Variants in PILRA observed in about 807,000 individuals in gnomAD.
The protein encoded by PILRA is paired immunoglobulin-like type 2 receptor alpha.
In PILRA, 37 loss-of-function variants were observed where a neutral mutation model predicts 33.1. The ratio of observed to expected loss-of-function variants is 1.12; its 90% CI spans 0.86 to 1.47. The LOEUF is 1.47. PILRA is among the 40% of genes most tolerant of loss of function. PILRA has a pLI of 0.00. For missense variants in PILRA, 312 were observed against 376.2 expected (o/e 0.83, Z 1.41); for synonymous variants, 146 against 149.9 (o/e 0.97, Z 0.19).
At chr7:100,395,456 G>A (rs1791474631) in intron 3 of PILRA, among the ~76,000 whole-genome samples, 2 of 152,310 alleles carry the variant, frequency 1.3e-5, no homozygotes, top group South Asian at 4.1e-4. Context: ...CCAGAACTGT[G>A]AGAAATAATT....
intron 2 of PILRA, chr7:100,374,754 C>G: frequency 2.4e-6 from 1 of 417,920 alleles, no homozygotes; most frequent in East Asian, 5.2e-5. Flanking sequence ...CCAGCCTGGC[C>G]TCTCCCCATA....
At chr7:100,373,993 T>TC in intron 1 of PILRA, 51 bp from the exon 2 acceptor site, 1 of 1,589,466 alleles carries the variant, frequency 6.3e-7, no homozygotes, top group Non-Finnish European at 8.6e-7. Flanking sequence ...CCTCTTTGTG[T>TC]CTTGAGGTGG....
intron 3 of PILRA, among the ~76,000 whole-genome samples, chr7:100,390,965 G>A (rs1199673474): frequency 6.6e-6 from 1 of 151,954 alleles, no homozygotes; most frequent in African/African-American, 2.4e-5. Flanking sequence ...GTGCAGTGCA[G>A]GGGTGAGGTG....
chr7:100,384,535 G>A (rs908149153), intron 2 of PILRA, among the ~76,000 whole-genome samples: 1 of 151,176 alleles, frequency 6.6e-6, no homozygotes, highest in Non-Finnish European at 1.5e-5. Flanking sequence ...AGCTAGGACT[G>A]CAGGGGAGCA....
chr7:100,378,617 C>A (rs191157582), intron 2 of PILRA, among the ~76,000 whole-genome samples: 56 of 152,156 alleles, frequency 3.7e-4, no homozygotes, highest in African/African-American at 1.3e-3. Flanking sequence ...ATATAAATGT[C>A]TCATAAGATT....
chr7:100,399,613 G>A lies in PILRA; in HGVS notation c.789+1G>A. The A allele has an allele frequency of 6.2e-7, 1 of 1,614,124 alleles. No homozygotes were observed. The highest frequency in any genetic ancestry group is 8.5e-7 in the Non-Finnish European group (1 of 1,180,016). ...TACAGATCCCAAGCTAAATCCCAAGGTAAGCAATCAGACCAGGGCCTGAAG... is the reference window on the plus strand; with the variant it reads ...TACAGATCCCAAGCTAAATCCCAAGATAAGCAATCAGACCAGGGCCTGAAG... On this transcript the variant is annotated splice_donor_variant, in intron 6 of 6. Transcript: ENST00000198536. LOFTEE classifies it high-confidence loss of function.
At chr7:100,387,390 T>A (rs1328710091) in intron 2 of PILRA, among the ~76,000 whole-genome samples, 1 of 152,148 alleles carries the variant, frequency 6.6e-6, no homozygotes, top group African/African-American at 2.4e-5. Context: ...ATTTTTGTAT[T>A]TTTAGTAGAG....
intron 3 of PILRA, among the ~76,000 whole-genome samples, chr7:100,395,704 A>T (rs1791480780): frequency 6.6e-6 from 1 of 152,186 alleles, no homozygotes; most frequent in Non-Finnish European, 1.5e-5. Flanking sequence ...GACAGCTACT[A>T]TTTAAAAAGT....
chr7:100,395,190 T>C (rs747188905), intron 3 of PILRA, among the ~76,000 whole-genome samples: 65 of 152,350 alleles, frequency 4.3e-4, no homozygotes, highest in Non-Finnish European at 6.5e-4. Flanking sequence ...ATATATGCTA[T>C]GGTCTGAAAT....
intron 3 of PILRA, among the ~76,000 whole-genome samples, chr7:100,397,631 G>GA (rs1419714433): frequency 6.6e-6 from 1 of 152,078 alleles, no homozygotes. Context: ...GCTCAAGAGA[G>GA]AAAGAAACCA....
At chr7:100,374,920 G>T (rs1245930451) in intron 2 of PILRA, among the ~76,000 whole-genome samples, 1 of 152,132 alleles carries the variant, frequency 6.6e-6, no homozygotes, top group Non-Finnish European at 1.5e-5. Context: ...GGTGCCCAGT[G>T]GCTGGCCCTG....
chr7:100,378,468 ACT>A (rs1791003252), intron 2 of PILRA, among the ~76,000 whole-genome samples: 1 of 152,116 alleles, frequency 6.6e-6, no homozygotes, highest in Non-Finnish European at 1.5e-5. Flanking sequence ...AAAACACAAC[ACT>A]CTTTTAAGTC....
chr7:100,397,972 T>TTGGGAAACAGGGAGTGTGC, intron 4 of PILRA, 60 bp downstream of exon 4: 1 of 1,547,792 alleles, frequency 6.5e-7, no homozygotes, highest in Non-Finnish European at 8.9e-7. Context: ...GTGGGCTGAT[T>TTGGGAAACAGGGAGTGTGC]TGGGAAACAG....
chr7:100,383,511 G>A (rs1255859908), intron 2 of PILRA, among the ~76,000 whole-genome samples: 3 of 152,164 alleles, frequency 2.0e-5, no homozygotes, highest in African/African-American at 7.2e-5. Flanking sequence ...GGCAGAGGGT[G>A]GAAGGAGGCG....
At position 100,373,730 on chromosome 7, in the gene PILRA, C is replaced by T; in HGVS notation, c.64+10C>T. 1 of 1,612,860 alleles carries T rather than the reference C, an allele frequency of 6.2e-7. No homozygotes were observed. The highest frequency in any genetic ancestry group is 8.5e-7 in the Non-Finnish European group (1 of 1,179,946). On this transcript the variant is annotated intron_variant, in intron 1 of 6. Coordinates refer to ENST00000198536, the MANE Select transcript of PILRA (RefSeq NM_013439.3). ...GCATTTCTGCAGCCTAGTGAGTACC[C>T]AGGACCACCCAGATGTGGGCTCTGC...
rs570172196 is a variant in PILRA, at chr7:100,380,986, C to CAA, written c.454+6557_454+6558dup. Among the ~76,000 whole-genome samples, 27 of 145,312 alleles carry CAA rather than the reference C, an allele frequency of 1.9e-4. No individual in the cohort carries two copies. The East Asian group carries it at 3.0e-3, about 16-fold the overall frequency. On this transcript the variant is annotated intron_variant, in intron 2 of 6. Coordinates refer to ENST00000198536, the MANE Select transcript of PILRA (RefSeq NM_013439.3). ...ACTCCATCTCCAAAAAAAACAAAAA[C>CAA]AAAAACACGGTGGCTCACGCCTGTA...
chr7:100,390,492 C>T lies in PILRA; in HGVS notation c.673+386C>T, dbSNP rs991212880. Among the ~76,000 whole-genome samples, 5 of 152,184 alleles carry T rather than the reference C, an allele frequency of 3.3e-5. No homozygotes were observed. The South Asian group carries it at 6.2e-4, about 19-fold the overall frequency. ...GCACTGGCCAACTGCCCACCTGCCACGGCCTGGCTTGAAACTGCAGAAGCA... is the reference window on the plus strand; with the variant it reads ...GCACTGGCCAACTGCCCACCTGCCATGGCCTGGCTTGAAACTGCAGAAGCA... On this transcript the variant is annotated intron_variant, in intron 3 of 6. Coordinates refer to ENST00000198536, the MANE Select transcript of PILRA (RefSeq NM_013439.3).
intron 2 of PILRA, among the ~76,000 whole-genome samples, chr7:100,389,533 T>C (rs1432328641): frequency 6.6e-6 from 1 of 151,546 alleles, no homozygotes; most frequent in Non-Finnish European, 1.5e-5. Flanking sequence ...GGATTTAAAC[T>C]GAGTTGCCTG....
At chr7:100,391,026 G>C (rs1333682202) in intron 3 of PILRA, among the ~76,000 whole-genome samples, 1 of 151,970 alleles carries the variant, frequency 6.6e-6, no homozygotes, top group Non-Finnish European at 1.5e-5. Flanking sequence ...TAAAACCAAA[G>C]AGGTGAGGTG....
Sources: gnomAD v4.1 joint callset for allele counts (sites outside exome capture counted in the v4.1 genomes callset) on GRCh38, gnomAD v4.1.1 for gene constraint, MANE v1.5 for transcripts, NCBI Gene and HGNC (gene_info 2026-07-23, HGNC 2026-07-21) for gene names.